Variants in RIF1 observed in about 807,000 individuals in gnomAD.
RIF1 encodes the protein telomere-associated protein RIF1.
In RIF1, 45 loss-of-function variants were observed where a neutral mutation model predicts 247.1. The ratio of observed to expected loss-of-function variants is 0.18; its 90% CI spans 0.14 to 0.23. RIF1 has a LOEUF of 0.23. Among genes scored for constraint, RIF1 ranks in the 10% least tolerant of loss-of-function variants. The probability of loss-of-function intolerance (pLI) is 1.00; values close to 1 mark genes in which losing one functional copy is unlikely to be tolerated. For synonymous variants in RIF1, 1,087 were observed against 978.8 expected, an observed-to-expected ratio of 1.11 and a Z score of -2.06; for missense variants, 2,967 against 2,862.5, an observed-to-expected ratio of 1.04 and a Z score of -0.83.
At chr2:151,415,302 G>A (rs190728313) in intron 4 of RIF1, among the ~76,000 whole-genome samples, 8 of 149,264 alleles carry the variant, frequency 5.4e-5, no homozygotes, top group South Asian at 2.2e-4. Flanking sequence ...AGTCGAGATC[G>A]TGCCATTGTA....
In RIF1 at chr2:151,499,269, A is replaced by G. The variant is rs952574555; in HGVS notation, c.*514-76A>G. ...AATCTTTTTAAACATTTTTTTAAATAATTAAAGGGATTTTTTATTTTTAAA... is the reference window on the plus strand; with the variant it reads ...AATCTTTTTAAACATTTTTTTAAATGATTAAAGGGATTTTTTATTTTTAAA... On this transcript the variant is annotated intron_variant and NMD_transcript_variant, in intron 10 of 13. Transcript: ENST00000454583. The G allele has an allele frequency of 4.3e-6, 5 of 1,152,428 alleles. No individual in the cohort carries two copies. The African/African-American group carries it at 6.3e-5, about 14-fold the overall frequency. The allele number at this position is 1,152,428 out of a possible 1,614,324, so 71.4% of individuals were successfully genotyped here. A position where few individuals can be genotyped will look rare whatever the true frequency, so the allele number is the denominator to read the frequency against.
rs184516994 is a variant in RIF1 at position 151,506,941 on chromosome 2, G to T, written c.*1027+566G>T. 1.2e-6 allele frequency: 2 copies of T among 1,610,104 alleles called. No individual in the cohort carries two copies. The highest frequency in any genetic ancestry group is 2.2e-5 in the South Asian group (2 of 90,880). On this transcript the variant is annotated intron_variant and NMD_transcript_variant, in intron 13 of 13. Transcript: ENST00000454583. ...AAATTCTTCTGATTTTCTTTTACACGCAGTATTTCTGGCGTGTCTTGAACA... is the reference window on the plus strand; with the variant it reads ...AAATTCTTCTGATTTTCTTTTACACTCAGTATTTCTGGCGTGTCTTGAACA...
chr2:151,471,152 C>T (rs2152533054), intron 34 of RIF1, among the ~76,000 whole-genome samples: 1 of 152,136 alleles, frequency 6.6e-6, no homozygotes, highest in South Asian at 2.1e-4. Context: ...AAAGTGGGGT[C>T]GTACAACTTG....
intron 20 of RIF1, among the ~76,000 whole-genome samples, chr2:151,450,008 A>G (rs1402070799): frequency 2.6e-5 from 4 of 151,682 alleles, no homozygotes; most frequent in Admixed American, 6.6e-5. Context: ...CGCCTGGCTA[A>G]TTTTGTATTT....
rs915722703 is a variant in RIF1 at position 151,461,258 on chromosome 2, G to C, written c.3196G>C (p.Asp1066His). Residue 1066 changes from aspartate to histidine, a missense_variant, in exon 27 of 36, where the codon GAT (aspartate) becomes CAT (histidine). Asp to His is a moderately conservative substitution (Grantham distance 81, BLOSUM62 -1). This residue lies in a region of RIF1 where 2,028 missense variants were observed against 1,825.6 expected (regional missense o/e 1.11). Coordinates refer to ENST00000444746, the MANE Select transcript of RIF1 (RefSeq NM_018151.5). Reference sequence around the variant, plus strand: ...AGATGCAAAGGAAAGAATATTAACTGATCATCAAAAAGAAGTTCTCAAAAC... The same window carrying C: ...AGATGCAAAGGAAAGAATATTAACTCATCATCAAAAAGAAGTTCTCAAAAC... Reference protein sequence around the residue: ...GKDAKERILTDHQKEVLKTKR... With the variant: ...GKDAKERILTHHQKEVLKTKR... 6.2e-7 allele frequency: 1 copy of C among 1,612,574 alleles called. No homozygotes were observed. Among genetic ancestry groups the C allele is most frequent in the Non-Finnish European group, 8.5e-7 (1 of 1,179,696 alleles).
At chr2:151,423,289 C>G (rs1688479179) in intron 8 of RIF1, 2 of 403,646 alleles carry the variant, frequency 5.0e-6, no homozygotes, top group Admixed American at 5.0e-5. Flanking sequence ...CAGCTGAGGT[C>G]AAGCAAGGTT....
rs199738864 is a variant in RIF1, at chr2:151,468,130, C to T, written c.6731C>T (p.Pro2244Leu). ...SPIGKSVKTS[P>L]TTQSKHNTTS... The stretch of plus-strand genomic sequence containing the variant: ...ATAGGAAAAAGTGTTAAAACTTCTC[C>T]TACTACACAATCTAAGGTAAGCTAT... Residue 2244 changes from proline (P) to leucine (L), a missense_variant, in exon 31 of 36, where the codon CCT (proline) becomes CTT (leucine). Pro to Leu is a moderately conservative substitution (Grantham distance 98). Coordinates refer to ENST00000444746, the MANE Select transcript of RIF1 (RefSeq NM_018151.5). 2 of 1,612,294 alleles carry T rather than the reference C, an allele frequency of 1.2e-6. No homozygotes were observed. Among genetic ancestry groups the T allele is most frequent in the South Asian group, 2.2e-5 (2 of 90,864 alleles).
In RIF1 at chr2:151,435,458, C is replaced by T; in HGVS notation, c.1078-5C>T. ...TATAGATCGATGTTTTCTTTTACCCCATAGGTTTGTGTGCCTCTGATTCAA... is the reference window on the plus strand; with the variant it reads ...TATAGATCGATGTTTTCTTTTACCCTATAGGTTTGTGTGCCTCTGATTCAA... On this transcript the variant is annotated splice_region_variant and splice_polypyrimidine_tract_variant and intron_variant, in intron 10 of 35. Transcript: ENST00000444746. 6.5e-7 allele frequency: 1 copy of T among 1,539,466 alleles called. No homozygotes were observed. The highest frequency in any genetic ancestry group is 9.0e-7 in the Non-Finnish European group (1 of 1,112,544).
At chr2:151,417,286 T>C (rs557632694) in intron 6 of RIF1, among the ~76,000 whole-genome samples, 138 of 152,338 alleles carry the variant, frequency 9.1e-4, no homozygotes, top group African/African-American at 2.8e-3. Flanking sequence ...TCATTTTTGT[T>C]GTAACAGGCA....
In RIF1 at chr2:151,451,617, C is replaced by T. The variant is rs764253293; in HGVS notation, c.2256C>T (p.Phe752=). ...ACTTTCTTCCCTAGAATTTGTTGTTCGTGGATAGAATTATTTATATTATTA... is the reference window on the plus strand; with the variant it reads ...ACTTTCTTCCCTAGAATTTGTTGTTTGTGGATAGAATTATTTATATTATTA... ...LEDEGFSNLL[F]VDRIIYIITV... The change falls in exon 21 of 36, where the codon TTC becomes TTT. Residue 752 remains phenylalanine, a synonymous_variant. Coordinates refer to ENST00000444746, the MANE Select transcript of RIF1 (RefSeq NM_018151.5). 50 of 1,424,374 alleles carry T rather than the reference C, an allele frequency of 3.5e-5. No individual in the cohort carries two copies. The highest frequency in any genetic ancestry group is 4.3e-5 in the Non-Finnish European group (43 of 1,008,922). The allele number at this position is 1,424,374 out of a possible 1,614,324, so 88.2% of individuals were successfully genotyped here. A position where few individuals can be genotyped will look rare whatever the true frequency, so the allele number is the denominator to read the frequency against.
At chr2:151,504,670 C>CTA (rs2067359909) in intron 12 of RIF1, among the ~76,000 whole-genome samples, 1 of 152,210 alleles carries the variant, frequency 6.6e-6, no homozygotes, top group Admixed American at 6.5e-5. Context: ...TGGCCATAAA[C>CTA]TATTTCCCAA....
intron 13 of RIF1, chr2:151,506,514 C>G: frequency 2.2e-6 from 1 of 446,240 alleles, no homozygotes; most frequent in South Asian, 4.4e-5. Context: ...TGAGAAGAGC[C>G]AGGAAATGTT....
chr2:151,493,579 G>T, intron 9 of RIF1: 1 of 737,296 alleles, frequency 1.4e-6, no homozygotes, highest in Non-Finnish European at 2.1e-6. Flanking sequence ...AAAATGTTAC[G>T]GTAGGAAGCA....
At chr2:151,523,057 T>G in the RIF1 span, among the ~76,000 whole-genome samples, 1 of 152,198 alleles carries the variant, frequency 6.6e-6, no homozygotes, top group Non-Finnish European at 1.5e-5. Context: ...TTTTCAAAAT[T>G]TCAACATCAT....
chr2:151,456,980 T>C (rs1418971031), intron 23 of RIF1, among the ~76,000 whole-genome samples: 2 of 152,192 alleles, frequency 1.3e-5, no homozygotes, highest in African/African-American at 4.8e-5. Flanking sequence ...GTGATTCGCC[T>C]GCCTCGGCTT....
At chr2:151,499,472 A>AAAACT in exon 11 of RIF1, 1 of 732,318 alleles carries the variant, frequency 1.4e-6, no homozygotes, top group Admixed American at 2.1e-5. Context: ...AACCTGGTAT[A>AAAACT]AAACTACAGA....
intron 10 of RIF1, 137 bp downstream of exon 10, chr2:151,433,365 G>C (rs971419196): frequency 1.9e-6 from 1 of 513,216 alleles, no homozygotes; most frequent in Non-Finnish European, 3.3e-6. Context: ...TCACTTTACT[G>C]GCAGAGAACT....
intron 10 of RIF1, chr2:151,497,506 TA>T (rs2061021076): frequency 1.3e-6 from 2 of 1,493,712 alleles, no homozygotes. Flanking sequence ...ATAAATTTGC[TA>T]AAGAAATTCA....
At chr2:151,443,799 A>G in intron 18 of RIF1, 90 bp downstream of exon 18, 2 of 743,840 alleles carry the variant, frequency 2.7e-6, no homozygotes, top group Non-Finnish European at 4.1e-6. Flanking sequence ...TTGAATTTGA[A>G]TAGAAGATGG....
Sources: allele counts gnomAD v4.1 joint callset (sites outside exome capture counted in the v4.1 genomes callset), GRCh38; gene constraint gnomAD v4.1.1; regional missense constraint gnomAD v4.1.1; transcripts MANE v1.5; gene names NCBI Gene and HGNC (gene_info 2026-07-23, HGNC 2026-07-21).